Variants in TMEFF2 observed in about 807,000 individuals in gnomAD.
The protein encoded by TMEFF2 is tomoregulin-2.
Under a neutral mutation model 53.8 loss-of-function variants are expected in TMEFF2, and 28 were observed. The observed-to-expected ratio is 0.52, with a 90% CI of 0.39 to 0.71. The LOEUF (loss-of-function observed/expected upper bound fraction) is 0.71, where lower values mean the gene tolerates loss of function less well. Ranked by LOEUF, TMEFF2 falls within the 30% of genes least tolerant of loss-of-function variation. TMEFF2 has a pLI of 0.00. For missense variants in TMEFF2, 353 were observed against 455.2 expected (o/e 0.78, Z 2.04); for synonymous variants, 162 against 166.3 (o/e 0.97, Z 0.20).
intron 5 of TMEFF2, among the ~76,000 whole-genome samples, chr2:192,010,979 T>C (rs1686613100): frequency 6.6e-6 from 1 of 152,228 alleles, no homozygotes; most frequent in African/African-American, 2.4e-5. Flanking sequence ...TAACTCAGAA[T>C]TGTATTTTAA....
chr2:191,955,177 G>GAC (rs1692035098), intron 8 of TMEFF2, among the ~76,000 whole-genome samples: 1 of 146,546 alleles, frequency 6.8e-6, no homozygotes, highest in African/African-American at 2.6e-5. Flanking sequence ...GAGAGAGGGA[G>GAC]AGAGAGAGAG....
At chr2:192,136,271 A>G (rs1422066881) in intron 4 of TMEFF2, among the ~76,000 whole-genome samples, 1 of 152,200 alleles carries the variant, frequency 6.6e-6, no homozygotes, top group African/African-American at 2.4e-5. Flanking sequence ...AATACAAGTC[A>G]TTTTCCATTT....
intron 4 of TMEFF2, among the ~76,000 whole-genome samples, chr2:192,138,676 C>A (rs1690068135): frequency 6.6e-6 from 1 of 152,206 alleles, no homozygotes; most frequent in African/African-American, 2.4e-5. Context: ...CTTGATGAAA[C>A]AGCATTCCTC....
chr2:191,986,294 A>G (rs184022285), intron 7 of TMEFF2, among the ~76,000 whole-genome samples: 198 of 152,318 alleles, frequency 1.3e-3, no homozygotes, highest in African/African-American at 4.7e-3. Context: ...CAAAATTTGT[A>G]AGAAGTAGCT....
At chr2:192,022,531 A>G (rs375636977) in intron 5 of TMEFF2, among the ~76,000 whole-genome samples, 14 of 152,284 alleles carry the variant, frequency 9.2e-5, no homozygotes, top group African/African-American at 3.4e-4. Flanking sequence ...TAATTTTGTA[A>G]CATTAGTAGT....
At chr2:192,138,149 A>C (rs1473032240) in intron 4 of TMEFF2, among the ~76,000 whole-genome samples, 1 of 152,220 alleles carries the variant, frequency 6.6e-6, no homozygotes, top group Admixed American at 6.5e-5. Context: ...AAACACTGGC[A>C]ACTTAACATT....
At chr2:192,182,277 C>T (rs976545400) in intron 3 of TMEFF2, among the ~76,000 whole-genome samples, 15 of 151,776 alleles carry the variant, frequency 9.9e-5, no homozygotes, top group African/African-American at 3.4e-4. Flanking sequence ...ATGAGAATCC[C>T]TTTTAGATCA....
chr2:192,015,372 A>G (rs1686722430), intron 5 of TMEFF2, among the ~76,000 whole-genome samples: 2 of 120,602 alleles, frequency 1.7e-5, no homozygotes, highest in South Asian at 5.8e-4. Flanking sequence ...AGGGTTTTAG[A>G]TGCTCATTCC....
In TMEFF2 at chr2:192,071,043, C is replaced by T. The variant is rs1355644193; in HGVS notation, c.440-13268G>A. 2.6e-5 allele frequency among the ~76,000 whole-genome samples: 4 copies of T among 151,698 alleles called. No individual in the cohort carries two copies. In the East Asian group the frequency reaches 7.8e-4, roughly 29 times the overall value. ...TGAAGAGCACTCTTTCCCTACTGAG[C>T]GAATGCTTTGAATAAGTAAGGGAGG... is the stretch of plus-strand genomic sequence containing the variant. On this transcript the variant is annotated intron_variant, in intron 4 of 9. Transcript: ENST00000272771.
intron 4 of TMEFF2, among the ~76,000 whole-genome samples, chr2:192,065,470 C>T (rs1054040120): frequency 2.0e-5 from 3 of 151,788 alleles, no homozygotes; most frequent in African/African-American, 7.2e-5. Flanking sequence ...TGGTTCTACA[C>T]TCATTTAAAT....
intron 9 of TMEFF2, 89 bp from the exon 10 acceptor site, chr2:191,950,496 C>G: frequency 6.6e-7 from 1 of 1,509,874 alleles, no homozygotes; most frequent in Non-Finnish European, 9.2e-7. Flanking sequence ...GTGGATTAAG[C>G]AAATTATTAA....
chr2:192,112,876 C>G lies in TMEFF2; in HGVS notation c.440-55101G>C, dbSNP rs938163073. Among the ~76,000 whole-genome samples the G allele has an allele frequency of 2.0e-5, 3 of 152,122 alleles. No homozygotes were observed. In the South Asian group the frequency reaches 6.2e-4, roughly 32 times the overall value. Reference sequence around the variant, plus strand: ...AAACCTCTTTTGCTTGGCTCTCATTCTCTCCTGTCTGCTGCCAAGTAAGAC... The same window carrying G: ...AAACCTCTTTTGCTTGGCTCTCATTGTCTCCTGTCTGCTGCCAAGTAAGAC... On this transcript the variant is annotated intron_variant, in intron 4 of 9. Transcript: ENST00000272771.
In TMEFF2 at chr2:192,052,602, G is replaced by C. The variant is rs1687798638; in HGVS notation, c.536+5077C>G. ...AGATGGAGCTTTATTACTTTGCAATGAGTCAATTTTATTATATTTGACTTA... is the reference window on the plus strand; with the variant it reads ...AGATGGAGCTTTATTACTTTGCAATCAGTCAATTTTATTATATTTGACTTA... On this transcript the variant is annotated intron_variant, in intron 5 of 9. Coordinates refer to ENST00000272771, the MANE Select transcript of TMEFF2 (RefSeq NM_016192.4). Among the ~76,000 whole-genome samples the C allele has an allele frequency of 4.0e-5, 6 of 151,812 alleles. No individual in the cohort carries two copies. In the South Asian group the frequency reaches 1.2e-3, roughly 32 times the overall value.
intron 9 of TMEFF2, among the ~76,000 whole-genome samples, chr2:191,952,036 C>T (rs1038602354): frequency 4.6e-5 from 7 of 152,148 alleles, no homozygotes; most frequent in Non-Finnish European, 1.0e-4. Context: ...TGGCACTAGG[C>T]CACCTGGACA....
intron 5 of TMEFF2, among the ~76,000 whole-genome samples, chr2:192,008,525 A>G (rs1159543303): frequency 1.3e-5 from 2 of 152,198 alleles, no homozygotes; most frequent in East Asian, 3.9e-4. Flanking sequence ...GTGCTTGCTC[A>G]TTAAGCTGGA....
chr2:192,153,314 T>C (rs1318873067), intron 4 of TMEFF2, among the ~76,000 whole-genome samples: 1 of 151,872 alleles, frequency 6.6e-6, no homozygotes, highest in Non-Finnish European at 1.5e-5. Context: ...TTTTTAAAAA[T>C]TATGGATTTA....
intron 4 of TMEFF2, among the ~76,000 whole-genome samples, chr2:192,091,119 A>T (rs1179189126): frequency 1.3e-5 from 2 of 152,098 alleles, no homozygotes; most frequent in Non-Finnish European, 2.9e-5. Context: ...TTCCTACTCC[A>T]AGTAGTATCA....
At chr2:192,151,941 T>C (rs980632125) in intron 4 of TMEFF2, among the ~76,000 whole-genome samples, 1 of 151,822 alleles carries the variant, frequency 6.6e-6, no homozygotes, top group African/African-American at 2.4e-5. Context: ...CCATGTTGGC[T>C]AAGGGTAATT....
chr2:192,046,534 A>G (rs528166198), intron 5 of TMEFF2, among the ~76,000 whole-genome samples: 9 of 152,266 alleles, frequency 5.9e-5, no homozygotes, highest in African/African-American at 2.2e-4. Context: ...ATTGGTCCAG[A>G]AATCAAGGGG....
Sources: allele counts gnomAD v4.1 joint callset (sites outside exome capture counted in the v4.1 genomes callset), GRCh38; gene constraint gnomAD v4.1.1; transcripts MANE v1.5; gene names NCBI Gene and HGNC (gene_info 2026-07-23, HGNC 2026-07-21).